MAML3: variants seen among roughly 807,000 people sequenced by gnomAD.
MAML3 encodes mastermind-like protein 3.
A neutral mutation model predicts 101.9 loss-of-function variants in MAML3; 27 were observed. The ratio of observed to expected loss-of-function variants is 0.27; its 90% CI spans 0.20 to 0.37. The LOEUF is 0.37. Among genes scored for constraint, MAML3 ranks in the 10% least tolerant of loss-of-function variants. The probability of loss-of-function intolerance (pLI) is 1.00; values close to 1 mark genes in which losing one functional copy is unlikely to be tolerated. For missense variants in MAML3, 1,316 were observed against 1,444.9 expected (o/e 0.91, Z 1.45); for synonymous variants, 501 against 555.9 (o/e 0.90, Z 1.39).
At chr4:140,019,095 T>G (rs1310925467) in intron 1 of MAML3, among the ~76,000 whole-genome samples, 1 of 144,320 alleles carries the variant, frequency 6.9e-6, no homozygotes, top group Non-Finnish European at 1.5e-5. Flanking sequence ...TTCACTAATC[T>G]TTTAGGTTAA....
chr4:140,026,350 G>A (rs1278160533), intron 1 of MAML3, among the ~76,000 whole-genome samples: 1 of 152,130 alleles, frequency 6.6e-6, no homozygotes. Flanking sequence ...CACCTCCCAG[G>A]TTCAAGCGAT....
rs527375410 is a variant in MAML3 at position 139,778,135 on chromosome 4, G to T, written c.2080-47468C>A. ...AACTGACACGCTGGGGTGATGCAATGAATATTGGTTGAATGAAAAAATAAA... is the reference window on the plus strand; with the variant it reads ...AACTGACACGCTGGGGTGATGCAATTAATATTGGTTGAATGAAAAAATAAA... On this transcript the variant is annotated intron_variant, in intron 2 of 4. Coordinates refer to ENST00000509479, the MANE Select transcript of MAML3 (RefSeq NM_018717.5). Among the ~76,000 whole-genome samples the T allele has an allele frequency of 2.0e-5, 3 of 152,340 alleles. No individual in the cohort carries two copies. The Middle Eastern group carries it at 0.01, about 518-fold the overall frequency.
At chr4:139,892,773 T>C (rs539988056) in intron 1 of MAML3, among the ~76,000 whole-genome samples, 4 of 151,444 alleles carry the variant, frequency 2.6e-5, no homozygotes, top group Admixed American at 6.6e-5. Flanking sequence ...AAAAAAAAAA[T>C]TCAAAAAATT....
intron 2 of MAML3, among the ~76,000 whole-genome samples, chr4:139,853,128 G>C (rs1448272486): frequency 6.6e-6 from 1 of 152,114 alleles, no homozygotes; most frequent in Non-Finnish European, 1.5e-5. Flanking sequence ...GTCAGCCCTA[G>C]TATCCACACA....
intron 2 of MAML3, among the ~76,000 whole-genome samples, chr4:139,825,838 T>A (rs191007804): frequency 6.6e-6 from 1 of 151,680 alleles, no homozygotes; most frequent in East Asian, 1.9e-4. Context: ...GCACTGGCAA[T>A]GAGGAACAAT....
At chr4:140,075,417 T>G (rs1727749030) in intron 1 of MAML3, among the ~76,000 whole-genome samples, 1 of 152,372 alleles carries the variant, frequency 6.6e-6, no homozygotes, top group East Asian at 1.9e-4. Context: ...AAAATCTAGA[T>G]GTTTAGCAAT....
chr4:140,020,848 C>T (rs1328061672), intron 1 of MAML3, among the ~76,000 whole-genome samples: 1 of 152,176 alleles, frequency 6.6e-6, no homozygotes, highest in Non-Finnish European at 1.5e-5. Context: ...AAATCTTTCA[C>T]TAGAGTCAGC....
chr4:139,778,594 G>C (rs1578596696), intron 2 of MAML3, among the ~76,000 whole-genome samples: 2 of 152,170 alleles, frequency 1.3e-5, no homozygotes, highest in East Asian at 1.9e-4. Flanking sequence ...AGAATCGTTA[G>C]AGACTGGGTA....
chr4:140,151,267 A>G (rs1352105137), intron 1 of MAML3, among the ~76,000 whole-genome samples: 2 of 151,654 alleles, frequency 1.3e-5, no homozygotes, highest in Non-Finnish European at 2.9e-5. Context: ...GGGACTGGGC[A>G]GGATCGCGCC....
chr4:139,764,999 T>C (rs1004066841), intron 2 of MAML3, among the ~76,000 whole-genome samples: 1 of 152,176 alleles, frequency 6.6e-6, no homozygotes, highest in Non-Finnish European at 1.5e-5. Flanking sequence ...GTGTGAATGG[T>C]TATGAAGTTA....
chr4:139,901,930 T>C (rs527482538), intron 1 of MAML3, among the ~76,000 whole-genome samples: 7 of 152,314 alleles, frequency 4.6e-5, no homozygotes, highest in South Asian at 4.1e-4. Flanking sequence ...ACTGTTTTCC[T>C]CAACAGCACT....
In MAML3 at chr4:139,735,680, C is replaced by T. The variant is rs553591564; in HGVS notation, c.2080-5013G>A. ...AAATTTAGGGTTTTATTGAAAAAGT[C>T]CCCTGGGGCCTAATTTAGCCTCTCG... On this transcript the variant is annotated intron_variant, in intron 2 of 4. Coordinates refer to ENST00000509479, the MANE Select transcript of MAML3 (RefSeq NM_018717.5). The surrounding 1 kb of genome is among the most constrained non-coding windows in gnomAD (Gnocchi z 5.8). 1.8e-4 allele frequency among the ~76,000 whole-genome samples: 28 copies of T among 152,332 alleles called. No homozygotes were observed. The Middle Eastern group carries it at 0.017, about 93-fold the overall frequency.
intron 1 of MAML3, among the ~76,000 whole-genome samples, chr4:139,939,384 G>C (rs539421047): frequency 3.3e-5 from 5 of 152,190 alleles, no homozygotes; most frequent in African/African-American, 1.2e-4. Flanking sequence ...AAAGTCTCTG[G>C]TTTACTGCCT....
chr4:139,725,249 T>A (rs1254592046), intron 4 of MAML3, among the ~76,000 whole-genome samples: 2 of 152,192 alleles, frequency 1.3e-5, no homozygotes, highest in Non-Finnish European at 2.9e-5. Flanking sequence ...CAAAAGAGAC[T>A]AGTGGTTGTT....
intron 1 of MAML3, among the ~76,000 whole-genome samples, chr4:139,971,232 G>T (rs768499435): frequency 3.9e-5 from 6 of 152,034 alleles, no homozygotes; most frequent in Non-Finnish European, 8.8e-5. Context: ...TACCTAAACT[G>T]CACTGCAACT....
chr4:140,054,490 T>C (rs1216335142), intron 1 of MAML3, among the ~76,000 whole-genome samples: 1 of 152,268 alleles, frequency 6.6e-6, no homozygotes, highest in Non-Finnish European at 1.5e-5. Context: ...ATATTCTTCC[T>C]ATTTAACTTA....
At chr4:139,883,536 GAGAA>G (rs1448178979) in intron 2 of MAML3, among the ~76,000 whole-genome samples, 1 of 152,184 alleles carries the variant, frequency 6.6e-6, no homozygotes, top group African/African-American at 2.4e-5. Context: ...GGATGGGGAA[GAGAA>G]AGAGAGAGAC....
At chr4:139,846,156 A>G (rs1057384352) in intron 2 of MAML3, among the ~76,000 whole-genome samples, 2 of 152,140 alleles carry the variant, frequency 1.3e-5, no homozygotes, top group African/African-American at 4.8e-5. Context: ...TTTCCTACCT[A>G]CAGATTGCCA....
At chr4:139,835,997 A>C (rs184116339) in intron 2 of MAML3, among the ~76,000 whole-genome samples, 154 of 152,322 alleles carry the variant, frequency 1.0e-3, no homozygotes, top group African/African-American at 3.5e-3. Context: ...TGGGGACTGC[A>C]CCACAGGGGG....
Sources: gnomAD v4.1 joint callset for allele counts (sites outside exome capture counted in the v4.1 genomes callset) on GRCh38, gnomAD v4.1.1 for gene constraint, Gnocchi (gnomAD v3.1) non-coding constraint, MANE v1.5 for transcripts, NCBI Gene and HGNC (gene_info 2026-07-23, HGNC 2026-07-21) for gene names.